HIBCH: variants seen among roughly 807,000 people sequenced by gnomAD.
HIBCH encodes 3-hydroxyisobutyryl-CoA hydrolase, mitochondrial.
HIBCH carries 50 observed loss-of-function variants against 58.2 expected under a neutral mutation model. The observed-to-expected ratio is 0.86, with a 90% confidence interval of 0.68 to 1.09. HIBCH has a LOEUF of 1.09. Among genes scored for constraint, HIBCH ranks in the 50% least tolerant of loss-of-function variants. HIBCH has a pLI of 0.00. For missense variants in HIBCH, 450 were observed against 449.7 expected, an observed-to-expected ratio of 1.00 and a Z score of -0.01; for synonymous variants, 151 against 146.9, an observed-to-expected ratio of 1.03 and a Z score of -0.20.
In HIBCH at chr2:190,215,397, G is replaced by A. The variant is rs1466115982; in HGVS notation, c.892-2322C>T. On this transcript the variant is annotated intron_variant, in intron 11 of 13. Transcript: ENST00000359678. The surrounding 1 kb of genome is among the most constrained non-coding windows in gnomAD (Gnocchi z 4.4). ...AACTAATAATTAAAGGGATTAAAAA[G>A]TCCACTCCTAGGACATAAAATGTCT... 6.6e-6 allele frequency: 1 copy of A among 152,126 alleles called. No individual in the cohort carries two copies. Among genetic ancestry groups the A allele is most frequent in the African/African-American group, 2.4e-5 (1 of 41,428 alleles). 9.4% of individuals were successfully genotyped at this position (152,126 alleles called of 1,614,324 possible). A position where few individuals can be genotyped will look rare whatever the true frequency, so the allele number is the denominator to read the frequency against.
chr2:190,263,769 GC>G (rs1469792543), intron 6 of HIBCH, among the ~76,000 whole-genome samples: 2 of 152,076 alleles, frequency 1.3e-5, no homozygotes, highest in Non-Finnish European at 2.9e-5. Flanking sequence ...AGCTGCTCAG[GC>G]CAAACATCTC....
rs1250442470 is a variant in HIBCH at position 190,272,760 on chromosome 2, G to C, written c.439-11526C>G. ...TTCCCAGAATGCAATACCTTAATGGGGGGGCAGGGAGACCGAAGGTAGTGA... is the reference window on the plus strand; with the variant it reads ...TTCCCAGAATGCAATACCTTAATGGCGGGGCAGGGAGACCGAAGGTAGTGA... On this transcript the variant is annotated intron_variant, in intron 6 of 13. Coordinates refer to ENST00000359678, the MANE Select transcript of HIBCH (RefSeq NM_014362.4). Among the ~76,000 whole-genome samples, 3 of 152,052 alleles carry C rather than the reference G, an allele frequency of 2.0e-5. No homozygotes were observed. The East Asian group carries it at 5.8e-4, about 29-fold the overall frequency.
chr2:190,308,910 G>A (rs1688482998), intron 2 of HIBCH, among the ~76,000 whole-genome samples: 2 of 152,124 alleles, frequency 1.3e-5, no homozygotes, highest in Non-Finnish European at 2.9e-5. Context: ...AGATAGCCAG[G>A]ATTCAAATCA....
chr2:190,313,661 AAAAG>A lies in HIBCH; in HGVS notation c.36-2869_36-2866del, dbSNP rs1395525628. Reference sequence around the variant, plus strand: ...TGTCTCACAAAAAAAAAAAAAAAAAAAAAGGAATCACCTGGAGACTGCTAAAAAT... The same window carrying A: ...TGTCTCACAAAAAAAAAAAAAAAAAAGAATCACCTGGAGACTGCTAAAAAT... On this transcript the variant is annotated intron_variant, in intron 1 of 13. Coordinates refer to ENST00000359678, the MANE Select transcript of HIBCH (RefSeq NM_014362.4). Among the ~76,000 whole-genome samples the A allele has an allele frequency of 5.2e-3, 775 of 148,900 alleles. 24 individuals carry two copies. The highest frequency in any genetic ancestry group is 0.018 in the African/African-American group (733 of 40,498).
intron 11 of HIBCH, among the ~76,000 whole-genome samples, chr2:190,226,595 CAAAAA>C (rs752856547): frequency 2.4e-4 from 7 of 29,390 alleles, no homozygotes; most frequent in East Asian, 2.3e-3. Context: ...AACTCCGTCT[CAAAAA>C]AAAAAAAAAA....
At chr2:190,311,112 C>T (rs1688543955) in intron 1 of HIBCH, 14 of 485,382 alleles carry the variant, frequency 2.9e-5, no homozygotes, top group South Asian at 2.5e-4. Flanking sequence ...AAGAAAAGAG[C>T]TATTATGCCA....
intron 11 of HIBCH, chr2:190,213,517 C>G (rs73981010): frequency 0.03 from 5,331 of 178,022 alleles, 301 homozygotes; most frequent in African/African-American, 0.12. Context: ...GCCCCTGCTT[C>G]AATAGCCAAT....
intron 1 of HIBCH, 149 bp downstream of exon 1, chr2:190,319,567 C>T (rs975347970): frequency 7.7e-5 from 54 of 704,612 alleles, no homozygotes; most frequent in Non-Finnish European, 8.6e-5. Context: ...GGGGCTGGGG[C>T]TTGGGGAGGG....
intron 2 of HIBCH, among the ~76,000 whole-genome samples, chr2:190,300,740 A>G (rs1288878555): frequency 3.9e-5 from 6 of 152,192 alleles, no homozygotes; most frequent in African/African-American, 1.4e-4. Flanking sequence ...TCTTATGTCA[A>G]GAATGATACT....
At position 190,306,755 on chromosome 2, in the gene HIBCH, T is replaced by C. The variant is rs1409212434; in HGVS notation, c.78+3999A>G. 6.6e-6 allele frequency among the ~76,000 whole-genome samples: 1 copy of C among 152,220 alleles called. No homozygotes were observed. Among genetic ancestry groups the C allele is most frequent in the Non-Finnish European group, 1.5e-5 (1 of 68,044 alleles). ...TGCTTGCATCCTTCCAAAATTTGTATGTTGAAATCCTAACCTCCAAGGTGA... is the reference window on the plus strand; with the variant it reads ...TGCTTGCATCCTTCCAAAATTTGTACGTTGAAATCCTAACCTCCAAGGTGA... On this transcript the variant is annotated intron_variant, in intron 2 of 13. Coordinates refer to ENST00000359678, the MANE Select transcript of HIBCH (RefSeq NM_014362.4). The surrounding 1 kb of genome is among the most constrained non-coding windows in gnomAD (Gnocchi z 4.6).
chr2:190,264,258 C>G (rs966251160), intron 6 of HIBCH, among the ~76,000 whole-genome samples: 7 of 136,680 alleles, frequency 5.1e-5, no homozygotes, highest in Non-Finnish European at 9.5e-5. Context: ...GCAAGCCACA[C>G]GGGCTTTCTT....
chr2:190,294,997 A>G (rs1438270984), intron 3 of HIBCH, among the ~76,000 whole-genome samples: 1 of 152,228 alleles, frequency 6.6e-6, no homozygotes, highest in Non-Finnish European at 1.5e-5. Flanking sequence ...AAATCAACCC[A>G]AAGACTGCTG....
chr2:190,292,416 T>C (rs1371736274), intron 4 of HIBCH, among the ~76,000 whole-genome samples: 1 of 152,242 alleles, frequency 6.6e-6, no homozygotes, highest in Non-Finnish European at 1.5e-5. Context: ...GCAATTCTCC[T>C]GCCTCAGCCT....
chr2:190,289,174 TTTAATG>T (rs1687903816), intron 5 of HIBCH, among the ~76,000 whole-genome samples: 1 of 152,140 alleles, frequency 6.6e-6, no homozygotes, highest in African/African-American at 2.4e-5. Context: ...TTTTAAATAC[TTTAATG>T]TTAAATGAGT....
intron 11 of HIBCH, among the ~76,000 whole-genome samples, chr2:190,239,647 G>GGTTT (rs1559028112): frequency 7.8e-6 from 1 of 127,550 alleles, no homozygotes. Flanking sequence ...GTGGTTTGTA[G>GGTTT]TTTTTTTTTT....
At chr2:190,268,130 T>G (rs1687292998) in intron 6 of HIBCH, among the ~76,000 whole-genome samples, 1 of 152,192 alleles carries the variant, frequency 6.6e-6, no homozygotes, top group Non-Finnish European at 1.5e-5. Flanking sequence ...GCATTAAAAT[T>G]TAAATGTACT....
rs574358692 is a variant in HIBCH at position 190,236,554 on chromosome 2, T to C, written c.891+8333A>G. Among the ~76,000 whole-genome samples, 2 of 152,346 alleles carry C rather than the reference T, an allele frequency of 1.3e-5. No individual in the cohort carries two copies. Among genetic ancestry groups the C allele is most frequent in the East Asian group, 3.9e-4 (2 of 5,188 alleles). ...TATTTAAAACAAGAACAAGTCAATG[T>C]CTATTTCATTGACTAGTGCAGTTTC... On this transcript the variant is annotated intron_variant, in intron 11 of 13. Transcript: ENST00000359678. This position sits in a 1 kb window ranked among gnomAD's most constrained non-coding sequence, Gnocchi z 4.1.
chr2:190,200,202 A>ATT, downstream of HIBCH: 3 of 1,482,070 alleles, frequency 2.0e-6, 1 homozygote, highest in South Asian at 3.6e-5. Context: ...AATAAATGTG[A>ATT]CAAAAGCAAA....
intron 1 of HIBCH, among the ~76,000 whole-genome samples, chr2:190,312,955 C>T (rs1688597385): frequency 6.6e-6 from 1 of 152,168 alleles, no homozygotes; most frequent in Admixed American, 6.5e-5. Context: ...AAAAATTAGC[C>T]AGGCATGGTG....
Sources: gnomAD v4.1 joint callset for allele counts (sites outside exome capture counted in the v4.1 genomes callset) on GRCh38, gnomAD v4.1.1 for gene constraint, Gnocchi (gnomAD v3.1) non-coding constraint, MANE v1.5 for transcripts, NCBI Gene and HGNC (gene_info 2026-07-23, HGNC 2026-07-21) for gene names.